ADAT2: variants seen among roughly 807,000 people sequenced by gnomAD.
ADAT2 encodes the protein tRNA-specific adenosine-34 deaminase catalytic subunit ADAT2.
A neutral mutation model predicts 25.9 loss-of-function variants in ADAT2; 26 were observed. The ratio of observed to expected loss-of-function variants is 1.00; its 90% confidence interval spans 0.74 to 1.39. The LOEUF is 1.39. Ranked by LOEUF, ADAT2 falls within the 40% of genes most tolerant of loss-of-function variation. The probability of loss-of-function intolerance (pLI) is 0.00; values close to 1 mark genes in which losing one functional copy is unlikely to be tolerated. For synonymous variants in ADAT2, 76 were observed against 86.8 expected (o/e 0.88, Z 0.69); for missense variants, 220 against 244.8 (o/e 0.90, Z 0.68).
At chr6:143,449,441 T>C (rs1054074729) in intron 1 of ADAT2, among the ~76,000 whole-genome samples, 1 of 152,198 alleles carries the variant, frequency 6.6e-6, no homozygotes. Context: ...CTTAATTGTA[T>C]TATAAACACC....
chr6:143,436,529 C>T lies in ADAT2; in HGVS notation c.201+2061G>A. 5.3e-6 allele frequency: 2 copies of T among 376,608 alleles called. No homozygotes were observed. The highest frequency in any genetic ancestry group is 1.1e-5 in the Non-Finnish European group (2 of 184,796). 23.3% of individuals were successfully genotyped at this position (376,608 alleles called of 1,614,324 possible). Reference sequence around the variant, plus strand: ...CTCAGAGACGTCTCAGAGCAGTTCACAGCCATGTTCAGGTGCAAGGCCTTC... The same window carrying T: ...CTCAGAGACGTCTCAGAGCAGTTCATAGCCATGTTCAGGTGCAAGGCCTTC... On this transcript the variant is annotated intron_variant, in intron 2 of 5. Coordinates refer to ENST00000237283, the MANE Select transcript of ADAT2 (RefSeq NM_182503.3). This position sits in a 1 kb window ranked among gnomAD's most constrained non-coding sequence, Gnocchi z 4.1.
Position 143,436,356 on chromosome 6 carries a change from GA to G in ADAT2, c.201+2233del. ...GGATGTCCATGAGGGAGGTAGAGGA[GA>G]AAATGCTTCATGTCCAAACCAAGAA... is the stretch of plus-strand genomic sequence containing the variant. On this transcript the variant is annotated intron_variant, in intron 2 of 5. Transcript: ENST00000237283. The surrounding 1 kb of genome is among the most constrained non-coding windows in gnomAD (Gnocchi z 4.1). 2 of 258,802 alleles carry G rather than the reference GA, an allele frequency of 7.7e-6. No homozygotes were observed. The allele number at this position is 258,802 out of a possible 1,614,324, so 16.0% of individuals were successfully genotyped here. A position where few individuals can be genotyped will look rare whatever the true frequency, so the allele number is the denominator to read the frequency against.
At chr6:143,431,070 A>C (rs1043744446) in intron 4 of ADAT2, among the ~76,000 whole-genome samples, 1 of 152,078 alleles carries the variant, frequency 6.6e-6, no homozygotes, top group Non-Finnish European at 1.5e-5. Context: ...AAAAAAGAAT[A>C]CCCAGCATTC....
Position 143,432,591 on chromosome 6 carries a change from C to G in ADAT2, c.373G>C (p.Gly125Arg). 1 of 1,614,180 alleles carries G rather than the reference C, an allele frequency of 6.2e-7. No individual in the cohort carries two copies. Among genetic ancestry groups the G allele is most frequent in the South Asian group, 1.1e-5 (1 of 91,080 alleles). The change falls in exon 4 of 6, where the codon GGC (glycine) becomes CGC (arginine). Residue 125 changes from glycine to arginine, a missense_variant. Physicochemically the swap from Gly to Arg is moderately radical, Grantham distance 125. Transcript: ENST00000237283. The surrounding 1 kb of genome is among the most constrained non-coding windows in gnomAD (Gnocchi z 4.4). ...RLMKIPLVVY[G>R]CQNERFGGCG... Reference sequence around the variant, plus strand: ...CCACCAAATCGTTCATTCTGACAGCCATATACAACCAGCGGGATTTATAAG... The same window carrying G: ...CCACCAAATCGTTCATTCTGACAGCGATATACAACCAGCGGGATTTATAAG...
chr6:143,430,198 T>C (rs9484747), intron 4 of ADAT2, among the ~76,000 whole-genome samples: 42,671 of 152,106 alleles, frequency 0.28, 6,235 homozygotes, highest in Admixed American at 0.32. Flanking sequence ...CCTGCTGTGT[T>C]AAGTGCTGGA....
chr6:143,433,708 C>A, intron 3 of ADAT2, 123 bp downstream of exon 3: 1 of 1,049,042 alleles, frequency 9.5e-7, no homozygotes, highest in South Asian at 2.6e-5. Context: ...CTAAGACACA[C>A]TATATTTTAC....
Position 143,423,270 on chromosome 6 carries a change from T to C in ADAT2, c.*5193A>G, listed in dbSNP as rs1169963127. The stretch of plus-strand genomic sequence containing the variant: ...CAACACAGAAACAAATGGGCATGGC[T>C]GTCATCCAATGTAACTTTATTTATG... On this transcript the variant is annotated 3_prime_UTR_variant, in exon 6 of 6. Transcript: ENST00000237283. 2.0e-5 allele frequency: 3 copies of C among 152,264 alleles called. No homozygotes were observed. Among genetic ancestry groups the C allele is most frequent in the African/African-American group, 7.2e-5 (3 of 41,478 alleles). The allele number at this position is 152,264 out of a possible 1,614,324, so 9.4% of individuals were successfully genotyped here.
At chr6:143,439,127 A>T (rs2128742037) in intron 1 of ADAT2, among the ~76,000 whole-genome samples, 1 of 152,282 alleles carries the variant, frequency 6.6e-6, no homozygotes, top group African/African-American at 2.4e-5. Context: ...TATAGAAATT[A>T]TCCTCTAGAG....
intron 1 of ADAT2, among the ~76,000 whole-genome samples, chr6:143,447,283 G>A (rs964137100): frequency 5.3e-5 from 8 of 152,086 alleles, no homozygotes; most frequent in South Asian, 2.1e-4. Context: ...TAGTGGCTAC[G>A]ATATTAGGCA....
At chr6:143,448,233 A>G (rs187354933) in intron 1 of ADAT2, among the ~76,000 whole-genome samples, 276 of 152,046 alleles carry the variant, frequency 1.8e-3, no homozygotes, top group African/African-American at 6.2e-3. Context: ...GGGGAACATC[A>G]CACACCGGGG....
At position 143,446,905 on chromosome 6, in the gene ADAT2, C is replaced by A. The variant is rs1334377676; in HGVS notation, c.96+3658G>T. 6.6e-6 allele frequency among the ~76,000 whole-genome samples: 1 copy of A among 152,196 alleles called. No homozygotes were observed. ...ACTGTGCATAGCATAGTATCTGGAA[C>A]ACACCAAGAGTGCAACACTATTACT... is the stretch of plus-strand genomic sequence containing the variant. On this transcript the variant is annotated intron_variant, in intron 1 of 5. Transcript: ENST00000237283. This position sits in a 1 kb window ranked among gnomAD's most constrained non-coding sequence, Gnocchi z 5.0.
rs531578279 is a variant in ADAT2 at position 143,446,504 on chromosome 6, G to T, written c.96+4059C>A. 1.6e-4 allele frequency among the ~76,000 whole-genome samples: 25 copies of T among 152,142 alleles called. 1 individual carries two copies. In the South Asian group the frequency reaches 4.4e-3, roughly 27 times the overall value. On this transcript the variant is annotated intron_variant, in intron 1 of 5. Coordinates refer to ENST00000237283, the MANE Select transcript of ADAT2 (RefSeq NM_182503.3). The surrounding 1 kb of genome is among the most constrained non-coding windows in gnomAD (Gnocchi z 5.0). ...CTGTAAAATACAAAGAGCTCCTACA[G>T]TGCGATTTTTTAAATCAAACTATTA...
At chr6:143,439,185 T>A (rs909001917) in intron 1 of ADAT2, among the ~76,000 whole-genome samples, 5 of 152,152 alleles carry the variant, frequency 3.3e-5, no homozygotes, top group African/African-American at 1.2e-4. Context: ...TGTCCCACAA[T>A]TTCTACTCTA....
chr6:143,438,295 T>A (rs1006158283), intron 2 of ADAT2, among the ~76,000 whole-genome samples: 16 of 152,192 alleles, frequency 1.1e-4, no homozygotes, highest in African/African-American at 3.4e-4. Flanking sequence ...TAAAATCCCC[T>A]CTTGGGTTTC....
rs577767668 is a variant in ADAT2, at chr6:143,438,692, G to A, written c.99C>T (p.Ala33=). 9.3e-6 allele frequency: 15 copies of A among 1,612,616 alleles called. No individual in the cohort carries two copies. The highest frequency in any genetic ancestry group is 6.6e-5 in the South Asian group (6 of 91,030). The change falls in exon 2 of 6, where the codon GCC becomes GCT. Residue 33 remains alanine (A), a splice_region_variant and synonymous_variant. Transcript: ENST00000237283. ...EKWMEEAMHM[A]KEALENTEVP... The stretch of plus-strand genomic sequence containing the variant: ...CTTCAGTATTTTCGAGGGCTTCTTT[G>A]GCCTGAAACACAAAGTGGAAAATGT...
chr6:143,432,723 C>A lies in ADAT2; in HGVS notation c.353-112G>T. 1.0e-6 allele frequency: 1 copy of A among 959,164 alleles called. No individual in the cohort carries two copies. Among genetic ancestry groups the A allele is most frequent in the Non-Finnish European group, 1.6e-6 (1 of 608,984 alleles). The allele number at this position is 959,164 out of a possible 1,614,324, so 59.4% of individuals were successfully genotyped here. A position where few individuals can be genotyped will look rare whatever the true frequency, so the allele number is the denominator to read the frequency against. On this transcript the variant is annotated intron_variant, in intron 3 of 5. Transcript: ENST00000237283. The surrounding 1 kb of genome is among the most constrained non-coding windows in gnomAD (Gnocchi z 4.4). ...GGAGAGGAACGCTCATGCTACTCTT[C>A]AAACCAGTGAAGCTTAGGATTCGTC...
Position 143,450,660 on chromosome 6 carries a change from C to T in ADAT2, c.-2G>A. On this transcript the variant is annotated 5_prime_UTR_variant, in exon 1 of 6. Transcript: ENST00000237283. ...CTTGGGTGCCGCCTTCGCCTCCATA[C>T]CCAGCCACCACTCAGCTACAGAGCC... 1 of 1,613,162 alleles carries T rather than the reference C, an allele frequency of 6.2e-7. No individual in the cohort carries two copies. The highest frequency in any genetic ancestry group is 2.2e-5 in the East Asian group (1 of 44,874).
chr6:143,422,837 A>T lies in ADAT2; in HGVS notation c.*5626T>A, dbSNP rs1430340943. On this transcript the variant is annotated 3_prime_UTR_variant, in exon 6 of 6. Transcript: ENST00000237283. This position sits in a 1 kb window ranked among gnomAD's most constrained non-coding sequence, Gnocchi z 4.3. ...AAATAATATTTTAAACATGATGATC[A>T]TAAATAAAATGTATTATTTATTCTA... 6.6e-6 allele frequency: 1 copy of T among 152,248 alleles called. No homozygotes were observed. Among genetic ancestry groups the T allele is most frequent in the Non-Finnish European group, 1.5e-5 (1 of 68,048 alleles). 9.4% of individuals were successfully genotyped at this position (152,248 alleles called of 1,614,324 possible).
intron 1 of ADAT2, chr6:143,441,941 T>C (rs772499131): frequency 1.3e-5 from 2 of 152,250 alleles, no homozygotes; most frequent in Non-Finnish European, 2.9e-5. Context: ...ATTACTCATA[T>C]ACTGCTGGTC....
Sources: allele counts gnomAD v4.1 joint callset (sites outside exome capture counted in the v4.1 genomes callset), GRCh38; gene constraint gnomAD v4.1.1; non-coding constraint Gnocchi (gnomAD v3.1); transcripts MANE v1.5; gene names NCBI Gene and HGNC (gene_info 2026-07-23, HGNC 2026-07-21).